The following FAF1 variants were observed in gnomAD, a reference collection of about 807,000 sequenced individuals.
FAF1 encodes FAS-associated factor 1.
Under a neutral mutation model 92.5 loss-of-function variants are expected in FAF1, and 25 were observed. The observed-to-expected ratio is 0.27, with a 90% CI of 0.20 to 0.38. The LOEUF (loss-of-function observed/expected upper bound fraction) is 0.38. Among genes scored for constraint, FAF1 ranks in the 10% least tolerant of loss-of-function variants. The pLI is 1.00. For missense variants in FAF1, 636 were observed against 793.3 expected (o/e 0.80, Z 2.38); for synonymous variants, 234 against 273.2 (o/e 0.86, Z 1.42).
intron 6 of FAF1, among the ~76,000 whole-genome samples, chr1:50,713,042 G>A (rs1249240903): frequency 6.6e-6 from 1 of 150,408 alleles, no homozygotes; most frequent in Non-Finnish European, 1.5e-5. Flanking sequence ...CGCGCCTGTA[G>A]TCCCAGCTAC....
In FAF1 at chr1:50,583,463, T is replaced by C. The variant is rs1651080772; in HGVS notation, c.1031+189A>G. Among the ~76,000 whole-genome samples, 1 of 151,998 alleles carries C rather than the reference T, an allele frequency of 6.6e-6. No individual in the cohort carries two copies. Among genetic ancestry groups the C allele is most frequent in the Non-Finnish European group, 1.5e-5 (1 of 67,910 alleles). On this transcript the variant is annotated intron_variant, in intron 11 of 18. Coordinates refer to ENST00000396153, the MANE Select transcript of FAF1 (RefSeq NM_007051.3). The surrounding 1 kb of genome is among the most constrained non-coding windows in gnomAD (Gnocchi z 4.2). ...AACATACAGAAATAAGTTGAATCTA[T>C]CTCTAAAGTGGCATAAATGGTTTAC...
chr1:50,772,884 C>A (rs904716625), intron 4 of FAF1, among the ~76,000 whole-genome samples: 3 of 152,072 alleles, frequency 2.0e-5, no homozygotes, highest in African/African-American at 7.2e-5. Context: ...TCATTAGACA[C>A]CCATTAACAT....
At chr1:50,598,586 T>C (rs1651942842) in intron 8 of FAF1, among the ~76,000 whole-genome samples, 1 of 152,244 alleles carries the variant, frequency 6.6e-6, no homozygotes, top group South Asian at 2.1e-4. Context: ...GTAGATATTC[T>C]ATCAGTGAGT....
At chr1:50,622,996 A>G (rs1014240683) in intron 8 of FAF1, among the ~76,000 whole-genome samples, 2 of 151,830 alleles carry the variant, frequency 1.3e-5, no homozygotes, top group African/African-American at 4.8e-5. Context: ...CCCATACTGT[A>G]CCCTAGTTTT....
intron 6 of FAF1, among the ~76,000 whole-genome samples, chr1:50,723,305 GC>G (rs1658488432): frequency 6.6e-6 from 1 of 151,996 alleles, no homozygotes; most frequent in South Asian, 2.1e-4. Context: ...GGAGGCTGAT[GC>G]AGGAGAATTG....
chr1:50,959,681 G>T, intron 1 of FAF1, 86 bp downstream of exon 1: 1 of 1,229,082 alleles, frequency 8.1e-7, no homozygotes, highest in East Asian at 2.7e-5. Flanking sequence ...CCACTGCAGC[G>T]TTCAAACGCT....
chr1:50,782,009 T>C (rs1239014246), intron 4 of FAF1, among the ~76,000 whole-genome samples: 1 of 152,196 alleles, frequency 6.6e-6, no homozygotes, highest in Admixed American at 6.5e-5. Flanking sequence ...TATTCATAAA[T>C]TTTTGGTGAT....
intron 15 of FAF1, among the ~76,000 whole-genome samples, chr1:50,524,300 TACAGTTTGCA>T (rs1243136579): frequency 6.6e-6 from 1 of 152,234 alleles, no homozygotes; most frequent in Non-Finnish European, 1.5e-5. Context: ...CTGTCAGATG[TACAGTTTGCA>T]AAAATTTTCT....
intron 1 of FAF1, among the ~76,000 whole-genome samples, chr1:50,924,247 C>A (rs1376584782): frequency 6.7e-6 from 1 of 149,146 alleles, no homozygotes; most frequent in Non-Finnish European, 1.5e-5. Context: ...AAACAAAAAT[C>A]GGCAGTACTT....
intron 4 of FAF1, among the ~76,000 whole-genome samples, chr1:50,746,305 T>C (rs1388839268): frequency 1.0e-5 from 1 of 96,000 alleles, no homozygotes. Context: ...TTTTTTTTTT[T>C]TTTTTTTTTT....
At position 50,717,106 on chromosome 1, in the gene FAF1, G is replaced by A. The variant is rs900069188; in HGVS notation, c.552-11215C>T. On this transcript the variant is annotated intron_variant, in intron 6 of 18. Transcript: ENST00000396153. ...CGTAACACTCACCGCGAAGGTCCGC[G>A]GCTTCATTCTTGGAGTCAGCGAGAA... Among the ~76,000 whole-genome samples, 4 of 152,270 alleles carry A rather than the reference G, an allele frequency of 2.6e-5. No individual in the cohort carries two copies. In the South Asian group the frequency reaches 6.2e-4, roughly 24 times the overall value.
intron 15 of FAF1, among the ~76,000 whole-genome samples, chr1:50,509,509 G>A (rs1046313402): frequency 6.6e-6 from 1 of 152,170 alleles, no homozygotes; most frequent in African/African-American, 2.4e-5. Context: ...CTACTTGGGT[G>A]GCTGAGGTGG....
intron 1 of FAF1, among the ~76,000 whole-genome samples, chr1:50,860,390 A>G (rs1277141484): frequency 6.6e-6 from 1 of 151,930 alleles, no homozygotes; most frequent in Non-Finnish European, 1.5e-5. Flanking sequence ...TCTATAAGCA[A>G]CTTAAATCAA....
chr1:50,595,449 G>A (rs1196546693), intron 9 of FAF1, among the ~76,000 whole-genome samples: 1 of 152,168 alleles, frequency 6.6e-6, no homozygotes, highest in East Asian at 1.9e-4. Flanking sequence ...CACAGTGTCT[G>A]CTTCATAGTA....
intron 6 of FAF1, among the ~76,000 whole-genome samples, chr1:50,723,889 C>T (rs867792203): frequency 2.8e-4 from 42 of 152,100 alleles, no homozygotes; most frequent in African/African-American, 1.0e-3. Context: ...GCTGGGATTA[C>T]AGGCACCTGC....
intron 4 of FAF1, among the ~76,000 whole-genome samples, chr1:50,769,932 T>C (rs546077876): frequency 6.6e-6 from 1 of 152,134 alleles, no homozygotes; most frequent in South Asian, 2.1e-4. Flanking sequence ...ATGCCTATAG[T>C]CCCAGCTACT....
At chr1:50,513,006 C>G (rs1057031266) in intron 15 of FAF1, among the ~76,000 whole-genome samples, 2 of 152,108 alleles carry the variant, frequency 1.3e-5, no homozygotes, top group African/African-American at 4.8e-5. Context: ...GAGGAAGGTA[C>G]TTTTTTTGTA....
At chr1:50,688,869 A>G (rs1028913662) in intron 7 of FAF1, among the ~76,000 whole-genome samples, 6 of 152,194 alleles carry the variant, frequency 3.9e-5, no homozygotes, top group African/African-American at 1.4e-4. Flanking sequence ...ATCATGTGCT[A>G]CAACATGAAT....
rs191541059 is a variant in FAF1 at position 50,926,965 on chromosome 1, C to T, written c.45+32802G>A. On this transcript the variant is annotated intron_variant, in intron 1 of 18. Coordinates refer to ENST00000396153, the MANE Select transcript of FAF1 (RefSeq NM_007051.3). Reference sequence around the variant, plus strand: ...AGAAATTCTGACACATGCTATAAAACGGATGTAACTTAAAAATACTATGTT... The same window carrying T: ...AGAAATTCTGACACATGCTATAAAATGGATGTAACTTAAAAATACTATGTT... Among the ~76,000 whole-genome samples, 47 of 152,246 alleles carry T rather than the reference C, an allele frequency of 3.1e-4. No individual in the cohort carries two copies. In the East Asian group the frequency reaches 4.4e-3, roughly 14 times the overall value.
Sources: gnomAD v4.1 joint callset for allele counts (sites outside exome capture counted in the v4.1 genomes callset) on GRCh38, gnomAD v4.1.1 for gene constraint, Gnocchi (gnomAD v3.1) non-coding constraint, MANE v1.5 for transcripts, NCBI Gene and HGNC (gene_info 2026-07-23, HGNC 2026-07-21) for gene names.